Variants in MAPK10 observed in about 807,000 individuals in gnomAD.
MAPK10 encodes the protein mitogen-activated protein kinase 10.
In MAPK10, 25 loss-of-function variants were observed where a neutral mutation model predicts 59.3. The ratio of observed to expected loss-of-function variants is 0.42; its 90% confidence interval spans 0.31 to 0.59. The LOEUF is 0.59. MAPK10 is among the 20% of genes least tolerant of loss of function. The probability of loss-of-function intolerance (pLI) is 0.15; values close to 1 mark genes in which losing one functional copy is unlikely to be tolerated. For synonymous variants in MAPK10, 190 were observed against 200.5 expected (o/e 0.95, Z 0.44); for missense variants, 351 against 568.9 (o/e 0.62, Z 3.90).
chr4:86,050,855 A>C (rs2043378888), intron 11 of MAPK10, among the ~76,000 whole-genome samples: 1 of 152,160 alleles, frequency 6.6e-6, no homozygotes, highest in Non-Finnish European at 1.5e-5. Flanking sequence ...GAAAGTCACC[A>C]AAAGTTCTTT....
chr4:86,127,006 C>A (rs539549112), intron 4 of MAPK10, among the ~76,000 whole-genome samples: 1 of 152,050 alleles, frequency 6.6e-6, no homozygotes, highest in East Asian at 1.9e-4. Context: ...CTGCATTAAA[C>A]CTCGCTTTCC....
intron 1 of MAPK10, among the ~76,000 whole-genome samples, chr4:86,433,775 G>A (rs1322003184): frequency 6.6e-6 from 1 of 151,916 alleles, no homozygotes; most frequent in African/African-American, 2.4e-5. Flanking sequence ...TAGTTCAAGG[G>A]AGCATTGAAG....
Position 86,162,907 on chromosome 4 carries a change from T to C in MAPK10, c.67-3440A>G, listed in dbSNP as rs113765224. Among the ~76,000 whole-genome samples, 35 of 152,230 alleles carry C rather than the reference T, an allele frequency of 2.3e-4. No homozygotes were observed. In the Middle Eastern group the frequency reaches 0.01, roughly 44 times the overall value. On this transcript the variant is annotated intron_variant, in intron 3 of 13. Coordinates refer to ENST00000641462, the MANE Select transcript of MAPK10 (RefSeq NM_138982.4). Reference sequence around the variant, plus strand: ...TGCACACTGGAGAAACAGGGCTTGATAAAATACAAGTCATTGGCATAACAT... The same window carrying C: ...TGCACACTGGAGAAACAGGGCTTGACAAAATACAAGTCATTGGCATAACAT...
chr4:86,376,215 T>C (rs928500939), intron 1 of MAPK10, among the ~76,000 whole-genome samples: 3 of 152,178 alleles, frequency 2.0e-5, no homozygotes, highest in Non-Finnish European at 4.4e-5. Flanking sequence ...AAACAGCACT[T>C]ATCTTTTCTT....
intron 1 of MAPK10, among the ~76,000 whole-genome samples, chr4:86,577,685 C>A (rs1407240204): frequency 6.6e-6 from 1 of 151,874 alleles, no homozygotes; most frequent in Non-Finnish European, 1.5e-5. Flanking sequence ...ATAAAATAGC[C>A]CAAGAAAATT....
intron 2 of MAPK10, among the ~76,000 whole-genome samples, chr4:86,306,979 A>G (rs1483144781): frequency 6.6e-6 from 1 of 152,168 alleles, no homozygotes. Context: ...GCACGGGTCT[A>G]GTGACTTTCT....
intron 1 of MAPK10, among the ~76,000 whole-genome samples, chr4:86,449,626 A>G (rs1359305232): frequency 6.6e-6 from 1 of 152,224 alleles, no homozygotes; most frequent in African/African-American, 2.4e-5. Flanking sequence ...ATGCTTTTGC[A>G]AAGTCTCCTT....
chr4:86,229,540 C>A (rs1234323892), intron 2 of MAPK10, among the ~76,000 whole-genome samples: 2 of 152,058 alleles, frequency 1.3e-5, no homozygotes, highest in Non-Finnish European at 2.9e-5. Flanking sequence ...AAGCTATCCA[C>A]TTTATAGTAG....
rs576411374 is a variant in MAPK10, at chr4:86,126,719, T to C, written c.237-19367A>G. On this transcript the variant is annotated intron_variant, in intron 4 of 13. Coordinates refer to ENST00000641462, the MANE Select transcript of MAPK10 (RefSeq NM_138982.4). The stretch of plus-strand genomic sequence containing the variant: ...TATATATACAACTGAACACCTCTAA[T>C]TGGATGTCTTAGAAATATCTTAAAA... 3.9e-5 allele frequency among the ~76,000 whole-genome samples: 6 copies of C among 152,176 alleles called. No individual in the cohort carries two copies. In the South Asian group the frequency reaches 1.0e-3, roughly 26 times the overall value.
intron 9 of MAPK10, among the ~76,000 whole-genome samples, chr4:86,084,060 A>G (rs1269490001): frequency 6.6e-6 from 1 of 152,178 alleles, no homozygotes. Context: ...ATACCCAGGT[A>G]CTATGCTGAG....
intron 2 of MAPK10, among the ~76,000 whole-genome samples, chr4:86,334,658 C>G (rs1467831508): frequency 6.6e-6 from 1 of 151,990 alleles, no homozygotes; most frequent in Non-Finnish European, 1.5e-5. Context: ...ACAAACCTCC[C>G]CACTTCATCT....
chr4:86,313,192 T>C (rs909523920), intron 2 of MAPK10, among the ~76,000 whole-genome samples: 2 of 152,090 alleles, frequency 1.3e-5, no homozygotes, highest in African/African-American at 4.8e-5. Flanking sequence ...CCATTGAATC[T>C]GCATTTGAAA....
intron 3 of MAPK10, among the ~76,000 whole-genome samples, chr4:86,171,960 G>A (rs1303563626): frequency 2.9e-4 from 44 of 149,596 alleles, no homozygotes; most frequent in Non-Finnish European, 5.2e-4. Context: ...GCAGCCAAAA[G>A]ACACATGAAA....
At chr4:86,089,403 GT>G in intron 9 of MAPK10, 1 of 644,552 alleles carries the variant, frequency 1.6e-6, no homozygotes, top group East Asian at 2.7e-5. Context: ...TGAGAGGCCA[GT>G]GGCATGATCA....
Position 86,474,431 on chromosome 4 carries a change from A to G in MAPK10, c.-263+119479T>C, listed in dbSNP as rs552869428. 5.3e-5 allele frequency among the ~76,000 whole-genome samples: 8 copies of G among 152,362 alleles called. No individual in the cohort carries two copies. In the South Asian group the frequency reaches 1.7e-3, roughly 32 times the overall value. On this transcript the variant is annotated intron_variant, in intron 1 of 4. Coordinates refer to the MAPK10 transcript ENST00000502302. ...ATATCATAAAATGAAACTCAAATGAAATATTTAAATTGGAGTTACTATTAA... is the reference window on the plus strand; with the variant it reads ...ATATCATAAAATGAAACTCAAATGAGATATTTAAATTGGAGTTACTATTAA...
chr4:86,174,346 A>G (rs1479874426), intron 3 of MAPK10, among the ~76,000 whole-genome samples: 1 of 152,192 alleles, frequency 6.6e-6, no homozygotes, highest in African/African-American at 2.4e-5. Context: ...GGAAGCCATC[A>G]TCCTCAGCAA....
At chr4:86,211,380 C>T (rs78573623) in intron 2 of MAPK10, among the ~76,000 whole-genome samples, 12,909 of 151,974 alleles carry the variant, frequency 0.085, 1,214 homozygotes, top group African/African-American at 0.23. Context: ...AGATTATTAG[C>T]AGATTTCTAA....
At chr4:86,121,573 T>C (rs886989509) in intron 4 of MAPK10, among the ~76,000 whole-genome samples, 1 of 152,204 alleles carries the variant, frequency 6.6e-6, no homozygotes, top group Non-Finnish European at 1.5e-5. Flanking sequence ...ATTTTCATTT[T>C]TGTGAGGATT....
At chr4:86,225,527 G>A (rs2090454883) in intron 2 of MAPK10, among the ~76,000 whole-genome samples, 1 of 151,780 alleles carries the variant, frequency 6.6e-6, no homozygotes, top group South Asian at 2.1e-4. Context: ...AATTCACTTC[G>A]CAGCCTTTCA....
Sources: gnomAD v4.1 joint callset for allele counts (sites outside exome capture counted in the v4.1 genomes callset) on GRCh38, gnomAD v4.1.1 for gene constraint, MANE v1.5 for transcripts, NCBI Gene and HGNC (gene_info 2026-07-23, HGNC 2026-07-21) for gene names.